The following RUNX1T1 variants were observed in gnomAD, a reference collection of about 807,000 sequenced individuals.
The protein encoded by RUNX1T1 is protein CBFA2T1.
In RUNX1T1, 4 loss-of-function variants were observed where a neutral mutation model predicts 62.8. That is an observed-to-expected ratio of 0.06 (90% CI 0.03 to 0.15). RUNX1T1 has a LOEUF of 0.15. Ranked by LOEUF, RUNX1T1 falls within the 10% of genes least tolerant of loss-of-function variation. The pLI is 1.00. For synonymous variants in RUNX1T1, 291 were observed against 286.0 expected (o/e 1.02, Z -0.18); for missense variants, 508 against 754.3 (o/e 0.67, Z 3.82).
In RUNX1T1 at chr8:92,020,342, G is replaced by C. The variant is rs183381989; in HGVS notation, c.8-2979C>G. Among the ~76,000 whole-genome samples the C allele has an allele frequency of 2.7e-3, 406 of 152,316 alleles. 3 individuals are homozygous for C. Among genetic ancestry groups the C allele is most frequent in the Middle Eastern group, 0.024 (7 of 294 alleles). On this transcript the variant is annotated intron_variant, in intron 1 of 10. Transcript: ENST00000396218. ...CTTTTATAGCAAACAGCACAAGCAAGCTGATTTAACCACAGAAGCATTTCA... is the reference window on the plus strand; with the variant it reads ...CTTTTATAGCAAACAGCACAAGCAACCTGATTTAACCACAGAAGCATTTCA...
intron 5 of RUNX1T1, among the ~76,000 whole-genome samples, chr8:92,000,282 A>G (rs1249647529): frequency 3.9e-5 from 6 of 152,132 alleles, no homozygotes. Flanking sequence ...CCTGGGCAAC[A>G]AGGGTGAAAC....
rs67366711 is a variant in RUNX1T1, at chr8:91,981,404, CTTTTTTTTTTTTTTTTTTTT to C, written c.1198+4700_1198+4719del. 7.8e-5 allele frequency among the ~76,000 whole-genome samples: 5 copies of C among 63,842 alleles called. No homozygotes were observed. The Admixed American group carries it at 8.7e-4, about 11-fold the overall frequency. The allele number at this position is 63,842 out of a possible 152,430, so 41.9% of individuals were successfully genotyped here. A position where few individuals can be genotyped will look rare whatever the true frequency, so the allele number is the denominator to read the frequency against. The stretch of plus-strand genomic sequence containing the variant: ...TTCAACAAACTCCTAAGTTACTAAG[CTTTTTTTTTTTTTTTTTTTT>C]TTTTTTTTTTGAGGCAGTCTCGCTC... On this transcript the variant is annotated intron_variant, in intron 8 of 10. Coordinates refer to ENST00000396218, the Ensembl canonical transcript of RUNX1T1.
At chr8:92,054,070 G>A (rs1830636544) in intron 1 of RUNX1T1, among the ~76,000 whole-genome samples, 1 of 150,228 alleles carries the variant, frequency 6.7e-6, no homozygotes, top group African/African-American at 2.5e-5. Context: ...GTGGGGGACA[G>A]ACTCAGTGAT....
chr8:92,013,814 A>G (rs1360977379), intron 3 of RUNX1T1, among the ~76,000 whole-genome samples: 1 of 152,210 alleles, frequency 6.6e-6, no homozygotes, highest in Non-Finnish European at 1.5e-5. Context: ...TTCTACCTAT[A>G]ACAAAGATTT....
At chr8:91,986,470 A>T in intron 7 of RUNX1T1, 145 bp from the exon 9 acceptor site, 3 of 652,334 alleles carry the variant, frequency 4.6e-6, no homozygotes, top group Non-Finnish European at 8.0e-6. Context: ...CTATGACTAG[A>T]TTTGAAATTC....
At chr8:92,061,311 A>C (rs2130592175) in intron 1 of RUNX1T1, among the ~76,000 whole-genome samples, 1 of 152,328 alleles carries the variant, frequency 6.6e-6, no homozygotes, top group East Asian at 1.9e-4. Context: ...TATTCTGGTG[A>C]AATAAAAAAC....
At chr8:92,039,199 G>C (rs977237652) in intron 1 of RUNX1T1, among the ~76,000 whole-genome samples, 3 of 151,162 alleles carry the variant, frequency 2.0e-5, no homozygotes, top group Admixed American at 2.0e-4. Flanking sequence ...CAGTGATGAG[G>C]TTTCACTATG....
At chr8:91,991,498 C>A in intron 6 of RUNX1T1, 141 bp downstream of exon 7, 1 of 920,830 alleles carries the variant, frequency 1.1e-6, no homozygotes. Flanking sequence ...AAGTTTTTTT[C>A]ATAAAGGAGA....
chr8:92,013,571 T>C (rs1453027792), intron 3 of RUNX1T1, among the ~76,000 whole-genome samples: 2 of 152,116 alleles, frequency 1.3e-5, no homozygotes, highest in South Asian at 2.1e-4. Flanking sequence ...CCCTGGACAA[T>C]GAAAGAACTG....
intron 1 of RUNX1T1, among the ~76,000 whole-genome samples, chr8:92,029,685 C>T: frequency 6.6e-6 from 1 of 152,160 alleles, no homozygotes; most frequent in East Asian, 1.9e-4. Context: ...ATTTCCACTG[C>T]CACCACTAGC....
chr8:91,957,361 G>A (rs1008641785), downstream of RUNX1T1: 2 of 224,914 alleles, frequency 8.9e-6, no homozygotes, highest in Admixed American at 1.1e-4. Flanking sequence ...GTTTTTGTTA[G>A]CTACTGGTGC....
chr8:92,011,080 C>T, exon 4 of RUNX1T1: 1 of 1,597,760 alleles, frequency 6.3e-7, no homozygotes, highest in South Asian at 1.1e-5. Context: ...CTTCAATTGT[C>T]AAAGTGGAGT....
At chr8:91,969,217 G>C (rs1432725381) in intron 10 of RUNX1T1, among the ~76,000 whole-genome samples, 1 of 152,130 alleles carries the variant, frequency 6.6e-6, no homozygotes, top group Non-Finnish European at 1.5e-5. Context: ...TTTCTAAATA[G>C]GTTTTAGGAA....
intron 1 of RUNX1T1, among the ~76,000 whole-genome samples, chr8:92,088,377 T>C (rs1222140545): frequency 6.6e-6 from 1 of 152,230 alleles, no homozygotes; most frequent in East Asian, 1.9e-4. Context: ...ATCTTGAGGT[T>C]AGGGAAAGGG....
downstream of RUNX1T1, chr8:91,958,409 G>C (rs1041560588): frequency 5.1e-6 from 1 of 196,394 alleles, no homozygotes; most frequent in Admixed American, 6.0e-5. Flanking sequence ...TGGTCCATCA[G>C]ATCAGTCTTT....
chr8:91,993,754 G>A (rs1818141262), intron 5 of RUNX1T1, among the ~76,000 whole-genome samples: 1 of 152,100 alleles, frequency 6.6e-6, no homozygotes, highest in Non-Finnish European at 1.5e-5. Context: ...CACTTTGCGA[G>A]GCCGAGGCGG....
intron 1 of RUNX1T1, among the ~76,000 whole-genome samples, chr8:92,048,666 T>A (rs1040545549): frequency 6.6e-6 from 1 of 152,172 alleles, no homozygotes; most frequent in Admixed American, 6.6e-5. Context: ...GGTGAGATGA[T>A]GGTCATTTTA....
At chr8:92,016,906 A>G (rs1587023336) in intron 2 of RUNX1T1, among the ~76,000 whole-genome samples, 1 of 152,202 alleles carries the variant, frequency 6.6e-6, no homozygotes. Flanking sequence ...AGAGCTCCAC[A>G]TTAAGATGAA....
At chr8:92,076,246 T>A (rs1037796363) in intron 1 of RUNX1T1, 109 bp from the exon 2 acceptor site, 12 of 758,194 alleles carry the variant, frequency 1.6e-5, no homozygotes, top group Admixed American at 9.0e-5. Flanking sequence ...ATGTTTTGTT[T>A]AAAAAAAAAA....
Sources: gnomAD v4.1 joint callset for allele counts (sites outside exome capture counted in the v4.1 genomes callset) on GRCh38, gnomAD v4.1.1 for gene constraint, MANE v1.5 for transcripts, NCBI Gene and HGNC (gene_info 2026-07-23, HGNC 2026-07-21) for gene names.